Variants in RBM25 observed in about 807,000 individuals in gnomAD.
The protein encoded by RBM25 is RNA binding motif protein 25, also known as RNA-binding protein 25.
A neutral mutation model predicts 120.7 loss-of-function variants in RBM25; 19 were observed. That is an observed-to-expected ratio of 0.16 (90% CI 0.11 to 0.23). The LOEUF (loss-of-function observed/expected upper bound fraction) is 0.23. RBM25 is among the 10% of genes least tolerant of loss of function. The pLI, the probability that RBM25 is intolerant of heterozygous loss-of-function variation, is 1.00. For synonymous variants in RBM25, 390 were observed against 326.7 expected (o/e 1.19, Z -2.09); for missense variants, 605 against 1,041.5 (o/e 0.58, Z 5.77).
chr14:73,102,436 C>T (rs1896074167), intron 9 of RBM25: 1 of 152,242 alleles, frequency 6.6e-6, no homozygotes, highest in Non-Finnish European at 1.5e-5. Context: ...AGTTAATGCA[C>T]AATCGTTCCT....
In RBM25 at chr14:73,120,888, A is replaced by T. The variant is rs1291498918; in HGVS notation, c.*1083A>T. On this transcript the variant is annotated 3_prime_UTR_variant, in exon 19 of 19. Coordinates refer to ENST00000261973, the MANE Select transcript of RBM25 (RefSeq NM_021239.3). Reference sequence around the variant, plus strand: ...TGTTATTTAAGGATAAAGGTAAATCATTCAAGGCAGTTACCAACCACTAAC... The same window carrying T: ...TGTTATTTAAGGATAAAGGTAAATCTTTCAAGGCAGTTACCAACCACTAAC... 6.6e-6 allele frequency: 1 copy of T among 152,226 alleles called. No homozygotes were observed. Among genetic ancestry groups the T allele is most frequent in the Non-Finnish European group, 1.5e-5 (1 of 68,028 alleles). The allele number at this position is 152,226 out of a possible 1,614,324, so 9.4% of individuals were successfully genotyped here. A position where few individuals can be genotyped will look rare whatever the true frequency, so the allele number is the denominator to read the frequency against.
chr14:73,081,628 G>T (rs1047843937), intron 4 of RBM25, among the ~76,000 whole-genome samples: 1 of 152,158 alleles, frequency 6.6e-6, no homozygotes, highest in African/African-American at 2.4e-5. Flanking sequence ...CTCTGTATAT[G>T]ATGTACATGG....
chr14:73,103,940 TCTCTCTCTCA>T (rs1205271186), intron 10 of RBM25, among the ~76,000 whole-genome samples: 85 of 41,070 alleles, frequency 2.1e-3, no homozygotes, highest in Non-Finnish European at 3.1e-3. Context: ...TCTCTCTCTC[TCTCTCTCTCA>T]CACACACACA....
In RBM25 at chr14:73,120,064, G is replaced by C. The variant is rs1010154645; in HGVS notation, c.*259G>C. 2.5e-5 allele frequency: 8 copies of C among 325,138 alleles called. No homozygotes were observed. Among genetic ancestry groups the C allele is most frequent in the Admixed American group, 5.1e-5 (1 of 19,670 alleles). 20.1% of individuals were successfully genotyped at this position (325,138 alleles called of 1,614,324 possible). On this transcript the variant is annotated 3_prime_UTR_variant, in exon 19 of 19. Coordinates refer to ENST00000261973, the MANE Select transcript of RBM25 (RefSeq NM_021239.3). ...TTATAAGCCGCAGCTACTGTACACA[G>C]CCTATCTGATATAATCTTGTTCTGC...
intron 14 of RBM25, among the ~76,000 whole-genome samples, chr14:73,110,205 CAG>C (rs1221684805): frequency 7.0e-6 from 1 of 142,704 alleles, no homozygotes; most frequent in Non-Finnish European, 1.5e-5. Flanking sequence ...TTCCCTGAGA[CAG>C]AGTCTGGCTT....
chr14:73,102,964 G>A, intron 9 of RBM25: 1 of 760,040 alleles, frequency 1.3e-6, no homozygotes, highest in Non-Finnish European at 1.9e-6. Context: ...CAATCTCCCA[G>A]CATCCAAGAT....
At chr14:73,092,959 G>T (rs991614000) in intron 6 of RBM25, among the ~76,000 whole-genome samples, 12 of 152,184 alleles carry the variant, frequency 7.9e-5, no homozygotes, top group African/African-American at 2.9e-4. Flanking sequence ...TGCAGAATTT[G>T]CAGGTGTAAC....
intron 1 of RBM25, among the ~76,000 whole-genome samples, chr14:73,069,607 A>G (rs1344777014): frequency 6.6e-6 from 1 of 151,380 alleles, no homozygotes; most frequent in Non-Finnish European, 1.5e-5. Context: ...CTAATTTTGT[A>G]TTTTTAGTGG....
At chr14:73,105,593 A>AT (rs1896168723) in intron 10 of RBM25, among the ~76,000 whole-genome samples, 2 of 152,138 alleles carry the variant, frequency 1.3e-5, no homozygotes, top group African/African-American at 4.8e-5. Context: ...CATTTTAATG[A>AT]TTTATAACTA....
In RBM25 at chr14:73,121,500, G is replaced by A. The variant is rs1896540414; in HGVS notation, c.*1695G>A. 6.6e-6 allele frequency: 1 copy of A among 152,384 alleles called. No homozygotes were observed. 9.4% of individuals were successfully genotyped at this position (152,384 alleles called of 1,614,324 possible). A position where few individuals can be genotyped will look rare whatever the true frequency, so the allele number is the denominator to read the frequency against. ...TTGGATGAATCTACTATACATCTAT[G>A]GAAATGTCTCTTTTATTTTAAATTC... On this transcript the variant is annotated 3_prime_UTR_variant, in exon 19 of 19. Transcript: ENST00000261973.
intron 10 of RBM25, 103 bp from the exon 11 acceptor site, chr14:73,105,756 G>C (rs1896172469): frequency 1.3e-6 from 2 of 1,509,314 alleles, no homozygotes; most frequent in African/African-American, 2.8e-5. Context: ...ATTCTGGCCT[G>C]TGAGATTTTA....
At chr14:73,093,214 A>G (rs1241932618) in intron 6 of RBM25, among the ~76,000 whole-genome samples, 1 of 152,242 alleles carries the variant, frequency 6.6e-6, no homozygotes, top group African/African-American at 2.4e-5. Context: ...CAGCTGCTTC[A>G]GGGGAACATC....
chr14:73,103,541 A>G, intron 10 of RBM25, 63 bp downstream of exon 10: 1 of 1,513,458 alleles, frequency 6.6e-7, no homozygotes, highest in Non-Finnish European at 8.8e-7. Context: ...GTAGTCCTCC[A>G]GAGTACCATT....
intron 2 of RBM25, among the ~76,000 whole-genome samples, chr14:73,075,365 G>C (rs994990031): frequency 6.6e-6 from 1 of 151,948 alleles, no homozygotes. Flanking sequence ...CTCCATGTTG[G>C]TCAGGTTAGT....
intron 4 of RBM25, among the ~76,000 whole-genome samples, chr14:73,079,172 C>T (rs917058019): frequency 6.0e-5 from 9 of 150,166 alleles, no homozygotes; most frequent in African/African-American, 1.9e-4. Flanking sequence ...CCTGTAATCC[C>T]GGCACTTTGC....
intron 18 of RBM25, among the ~76,000 whole-genome samples, chr14:73,117,139 T>A (rs2140467802): frequency 6.6e-6 from 1 of 151,562 alleles, no homozygotes; most frequent in East Asian, 1.9e-4. Flanking sequence ...TGATCAAAAG[T>A]TCTTTAATTA....
intron 8 of RBM25, 76 bp from the exon 9 acceptor site, chr14:73,099,591 A>G: frequency 6.3e-7 from 1 of 1,586,208 alleles, no homozygotes; most frequent in Non-Finnish European, 8.5e-7. Flanking sequence ...ACCTATACAG[A>G]ATATCTAACC....
rs755925997 is a variant in RBM25 at position 73,107,909 on chromosome 14, G to C, written c.1541+10G>C. On this transcript the variant is annotated intron_variant, in intron 13 of 18. Transcript: ENST00000261973. ...ACCCCAAATATTACAGGTAAAGAAG[G>C]CTTGTTCTGTGGATTCATACTTGGT... is the stretch of plus-strand genomic sequence containing the variant. The C allele has an allele frequency of 1.9e-6, 3 of 1,562,128 alleles. No homozygotes were observed. Among genetic ancestry groups the C allele is most frequent in the Non-Finnish European group, 2.6e-6 (3 of 1,143,984 alleles).
At chr14:73,083,267 T>C (rs1184357760) in intron 4 of RBM25, among the ~76,000 whole-genome samples, 1 of 152,244 alleles carries the variant, frequency 6.6e-6, no homozygotes, top group Non-Finnish European at 1.5e-5. Flanking sequence ...TAAACAATGT[T>C]CTGCAAATGA....
Sources: gnomAD v4.1 joint callset for allele counts (sites outside exome capture counted in the v4.1 genomes callset) on GRCh38, gnomAD v4.1.1 for gene constraint, MANE v1.5 for transcripts, NCBI Gene and HGNC (gene_info 2026-07-23, HGNC 2026-07-21) for gene names.